CMKLR2: variants seen among roughly 807,000 people sequenced by gnomAD.
The protein encoded by CMKLR2 is chemerin chemokine-like receptor 2.
CMKLR2 carries 18 observed loss-of-function variants against 23.0 expected under a neutral mutation model. The observed-to-expected ratio is 0.78, with a 90% CI of 0.54 to 1.16. The LOEUF is 1.16. Among genes scored for constraint, CMKLR2 ranks in the 50% most tolerant of loss-of-function variants. The probability of loss-of-function intolerance (pLI) is 0.00; values close to 1 mark genes in which losing one functional copy is unlikely to be tolerated. For synonymous variants in CMKLR2, 158 were observed against 158.9 expected (o/e 0.99, Z 0.05); for missense variants, 401 against 412.7 (o/e 0.97, Z 0.25).
intron 1 of CMKLR2, among the ~76,000 whole-genome samples, chr2:206,207,857 C>T (rs924943351): frequency 5.3e-5 from 8 of 149,582 alleles, no homozygotes; most frequent in African/African-American, 2.0e-4. Context: ...ATTCTTCTGC[C>T]TCAGTATCCC....
chr2:206,200,136 T>C (rs186129660), intron 1 of CMKLR2, among the ~76,000 whole-genome samples: 1 of 152,108 alleles, frequency 6.6e-6, no homozygotes, highest in East Asian at 1.9e-4. Flanking sequence ...TTAAGAATGG[T>C]GGGTCGGCCG....
At chr2:206,185,371 G>A (rs1037289141) in intron 1 of CMKLR2, among the ~76,000 whole-genome samples, 4 of 152,164 alleles carry the variant, frequency 2.6e-5, no homozygotes, top group Non-Finnish European at 5.9e-5. Flanking sequence ...GGAATTAGTC[G>A]TGGATATTTC....
chr2:206,177,314 A>G, intron 1 of CMKLR2, 39 bp from the exon 2 acceptor site: 1 of 984,202 alleles, frequency 1.0e-6, no homozygotes. Context: ...AAAATTTTAA[A>G]AGAAAAATAA....
intron 1 of CMKLR2, among the ~76,000 whole-genome samples, chr2:206,193,140 C>A (rs546020721): frequency 1.3e-5 from 2 of 152,184 alleles, no homozygotes; most frequent in South Asian, 4.2e-4. Context: ...GCTCTGTCAC[C>A]CAGGCTGGAA....
At chr2:206,200,662 C>T (rs1559094111) in intron 1 of CMKLR2, among the ~76,000 whole-genome samples, 1 of 152,170 alleles carries the variant, frequency 6.6e-6, no homozygotes, top group African/African-American at 2.4e-5. Context: ...TGGGATCTTG[C>T]TATGTTGCCC....
chr2:206,182,178 A>G (rs948567711), intron 1 of CMKLR2, among the ~76,000 whole-genome samples: 1 of 152,106 alleles, frequency 6.6e-6, no homozygotes, highest in African/African-American at 2.4e-5. Flanking sequence ...CATGTTGTTC[A>G]AGGATCAACT....
chr2:206,194,597 G>C (rs574776943), intron 1 of CMKLR2, among the ~76,000 whole-genome samples: 1 of 150,242 alleles, frequency 6.7e-6, no homozygotes, highest in South Asian at 2.1e-4. Flanking sequence ...AGCCACGCCC[G>C]GCTAATTTTT....
intron 1 of CMKLR2, among the ~76,000 whole-genome samples, chr2:206,191,262 T>C (rs1045778921): frequency 6.6e-6 from 1 of 152,158 alleles, no homozygotes; most frequent in Non-Finnish European, 1.5e-5. Flanking sequence ...AATGTTCACA[T>C]GGGGAAATCC....
intron 1 of CMKLR2, among the ~76,000 whole-genome samples, chr2:206,193,785 A>C (rs1022321555): frequency 6.6e-5 from 10 of 152,218 alleles, no homozygotes; most frequent in Non-Finnish European, 7.3e-5. Flanking sequence ...ATATTTAATC[A>C]TGACCTGAAT....
At chr2:206,178,891 C>T (rs531172205) in intron 1 of CMKLR2, among the ~76,000 whole-genome samples, 7 of 151,974 alleles carry the variant, frequency 4.6e-5, no homozygotes, top group African/African-American at 2.4e-5. Flanking sequence ...TCAAGTGATC[C>T]ACCCATCTCA....
intron 1 of CMKLR2, among the ~76,000 whole-genome samples, chr2:206,183,594 C>A (rs1300082475): frequency 1.3e-5 from 2 of 152,116 alleles, no homozygotes; most frequent in Non-Finnish European, 2.9e-5. Flanking sequence ...TGTAGTTCAG[C>A]CTTGGAGAAA....
chr2:206,195,141 G>A (rs572549750), intron 1 of CMKLR2, among the ~76,000 whole-genome samples: 1 of 152,192 alleles, frequency 6.6e-6, no homozygotes, highest in South Asian at 2.1e-4. Context: ...ATCTATATTT[G>A]GAACAGTTTG....
Position 206,176,772 on chromosome 2 carries a change from A to G in CMKLR2, c.476T>C (p.Ile159Thr), listed in dbSNP as rs780894474. 2.5e-6 allele frequency: 4 copies of G among 1,614,082 alleles called. No individual in the cohort carries two copies. The highest frequency in any genetic ancestry group is 1.7e-5 in the Admixed American group (1 of 59,994). The change falls in exon 2 of 2, where the codon ATA becomes ACA. Residue 159 changes from isoleucine (I) to threonine (T), a missense_variant. Physicochemically the swap from Ile to Thr is moderately conservative, Grantham distance 89. Coordinates refer to ENST00000621141, the MANE Select transcript of CMKLR2 (RefSeq NM_001389445.1). ...RTLKNSLIVI[I>T]FIWLLASLIG... Reference sequence around the variant, plus strand: ...TAGAGAAGCCAAAAGCCAGATGAATATAATGACAATCAGAGAGTTCTTGAG... The same window carrying G: ...TAGAGAAGCCAAAAGCCAGATGAATGTAATGACAATCAGAGAGTTCTTGAG...
intron 1 of CMKLR2, among the ~76,000 whole-genome samples, chr2:206,180,762 A>ATTATTATTATTC (rs1461704150): frequency 6.8e-6 from 1 of 146,738 alleles, no homozygotes; most frequent in Non-Finnish European, 1.5e-5. Context: ...TATTATTATT[A>ATTATTATTATTC]TTATTATTTT....
intron 1 of CMKLR2, among the ~76,000 whole-genome samples, chr2:206,199,522 A>G (rs1465376776): frequency 2.0e-5 from 3 of 152,222 alleles, no homozygotes; most frequent in Non-Finnish European, 4.4e-5. Flanking sequence ...ATGGTAAAAT[A>G]CATGACCTTC....
intron 1 of CMKLR2, among the ~76,000 whole-genome samples, chr2:206,179,055 CTTTTTTTTTTTTTTTTTTT>C (rs71034421): frequency 4.5e-4 from 22 of 49,318 alleles, no homozygotes; most frequent in African/African-American, 1.2e-3. Flanking sequence ...CTCCCTGTCC[CTTTTTTTTTTTTTTTTTTT>C]TTTTTTTTTT....
intron 1 of CMKLR2, among the ~76,000 whole-genome samples, chr2:206,202,650 C>T (rs936058581): frequency 6.8e-6 from 1 of 147,982 alleles, no homozygotes; most frequent in African/African-American, 2.5e-5. Flanking sequence ...TGGATGGCGT[C>T]ATAGCTATTC....
intron 1 of CMKLR2, among the ~76,000 whole-genome samples, chr2:206,204,154 C>T (rs1343138038): frequency 6.6e-6 from 1 of 151,966 alleles, no homozygotes; most frequent in Non-Finnish European, 1.5e-5. Flanking sequence ...AGATCGAGAC[C>T]ATCCTGGCTA....
At chr2:206,180,429 T>C (rs2105801484) in intron 1 of CMKLR2, among the ~76,000 whole-genome samples, 1 of 152,152 alleles carries the variant, frequency 6.6e-6, no homozygotes, top group East Asian at 1.9e-4. Context: ...AAAAAAAATT[T>C]ACATAAAACT....
Sources: gnomAD v4.1 joint callset for allele counts (sites outside exome capture counted in the v4.1 genomes callset) on GRCh38, gnomAD v4.1.1 for gene constraint, MANE v1.5 for transcripts, NCBI Gene and HGNC (gene_info 2026-07-23, HGNC 2026-07-21) for gene names.